The following ST6GALNAC3 variants were observed in gnomAD, a reference collection of about 807,000 sequenced individuals.
The protein encoded by ST6GALNAC3 is alpha-N-acetylgalactosaminide alpha-2,6-sialyltransferase 3.
Under a neutral mutation model 32.7 loss-of-function variants are expected in ST6GALNAC3, and 25 were observed. The ratio of observed to expected loss-of-function variants is 0.76; its 90% confidence interval spans 0.56 to 1.07. The LOEUF is 1.07. Among genes scored for constraint, ST6GALNAC3 ranks in the 50% least tolerant of loss-of-function variants. The pLI is 0.00. For synonymous variants in ST6GALNAC3, 129 were observed against 133.1 expected, an observed-to-expected ratio of 0.97 and a Z score of 0.21; for missense variants, 355 against 382.4, an observed-to-expected ratio of 0.93 and a Z score of 0.60.
chr1:76,204,460 ATCTG>A (rs1654708513), intron 1 of ST6GALNAC3, among the ~76,000 whole-genome samples: 2 of 152,188 alleles, frequency 1.3e-5, no homozygotes, highest in African/African-American at 2.4e-5. Flanking sequence ...GTCTCTGATG[ATCTG>A]TCTGTTTGCA....
chr1:76,556,460 C>T (rs1245210902), intron 3 of ST6GALNAC3, among the ~76,000 whole-genome samples: 1 of 152,038 alleles, frequency 6.6e-6, no homozygotes, highest in East Asian at 1.9e-4. Context: ...AACTACCAGA[C>T]TATTTTTTAG....
intron 3 of ST6GALNAC3, among the ~76,000 whole-genome samples, chr1:76,570,527 A>G (rs897629307): frequency 2.0e-5 from 3 of 152,180 alleles, no homozygotes; most frequent in Middle Eastern, 3.4e-3. Flanking sequence ...ATAGGAAACT[A>G]CTTAAAAGAA....
In ST6GALNAC3 at chr1:76,630,117, G is replaced by A. The variant is rs1489372724; in HGVS notation, c.*1311G>A. The A allele has an allele frequency of 2.0e-6, 2 of 985,056 alleles. No individual in the cohort carries two copies. The highest frequency in any genetic ancestry group is 2.4e-6 in the Non-Finnish European group (2 of 829,826). 61.0% of individuals were successfully genotyped at this position (985,056 alleles called of 1,614,324 possible). The stretch of plus-strand genomic sequence containing the variant: ...TTCTGCTCTCTTTAGCAGATGATCT[G>A]TAATTTGGTCATTGTTCTGTTATAT... On this transcript the variant is annotated 3_prime_UTR_variant, in exon 5 of 5. Transcript: ENST00000328299.
At chr1:76,313,734 G>T in intron 1 of ST6GALNAC3, 71 bp from the exon 2 acceptor site, 1 of 1,493,210 alleles carries the variant, frequency 6.7e-7, no homozygotes. Flanking sequence ...AAGAATAAAG[G>T]AACCTCCTTC....
intron 3 of ST6GALNAC3, among the ~76,000 whole-genome samples, chr1:76,605,812 C>T (rs888031102): frequency 8.0e-6 from 1 of 124,762 alleles, no homozygotes; most frequent in African/African-American, 3.1e-5. Flanking sequence ...TTGCAGTGAG[C>T]CGAGATTGTG....
At position 76,336,350 on chromosome 1, in the gene ST6GALNAC3, T is replaced by C. The variant is rs538844003; in HGVS notation, c.213+22351T>C. On this transcript the variant is annotated intron_variant, in intron 2 of 4. Coordinates refer to ENST00000328299, the MANE Select transcript of ST6GALNAC3 (RefSeq NM_152996.4). ...AATATTTCTGGTTTTCCCCTAATGA[T>C]TGTCATGGAATGCCCTTAAATTTAA... Among the ~76,000 whole-genome samples, 5 of 152,328 alleles carry C rather than the reference T, an allele frequency of 3.3e-5. No homozygotes were observed. In the South Asian group the frequency reaches 1.0e-3, roughly 32 times the overall value.
rs1047071556 is a variant in ST6GALNAC3 at position 76,343,721 on chromosome 1, A to G, written c.213+29722A>G. Among the ~76,000 whole-genome samples the G allele has an allele frequency of 7.2e-5, 11 of 152,252 alleles. No individual in the cohort carries two copies. In the South Asian group the frequency reaches 2.3e-3, roughly 31 times the overall value. Reference sequence around the variant, plus strand: ...CAGAGTACAAAGGTAAAGTGAAGACAAAACAAGTCCTTCTAGCTTCAAAAT... The same window carrying G: ...CAGAGTACAAAGGTAAAGTGAAGACGAAACAAGTCCTTCTAGCTTCAAAAT... On this transcript the variant is annotated intron_variant, in intron 2 of 4. Transcript: ENST00000328299.
intron 3 of ST6GALNAC3, among the ~76,000 whole-genome samples, chr1:76,489,954 G>T (rs568538905): frequency 6.5e-4 from 99 of 152,260 alleles, no homozygotes; most frequent in African/African-American, 2.3e-3. Flanking sequence ...GGTAGCTGGA[G>T]GGCACATACC....
intron 1 of ST6GALNAC3, among the ~76,000 whole-genome samples, chr1:76,137,673 T>C (rs1007676886): frequency 6.6e-6 from 1 of 151,308 alleles, no homozygotes; most frequent in African/African-American, 2.4e-5. Context: ...TCTCTGTAAG[T>C]TGCAGTCATG....
At chr1:76,263,372 T>C (rs778003160) in intron 1 of ST6GALNAC3, among the ~76,000 whole-genome samples, 2 of 149,702 alleles carry the variant, frequency 1.3e-5, no homozygotes, top group Non-Finnish European at 2.9e-5. Flanking sequence ...CTATAAATCA[T>C]AACTACCTTA....
intron 3 of ST6GALNAC3, among the ~76,000 whole-genome samples, chr1:76,591,290 C>T (rs1187933254): frequency 6.6e-6 from 1 of 152,024 alleles, no homozygotes; most frequent in African/African-American, 2.4e-5. Context: ...TCTGGAAATT[C>T]ACCACCCTGA....
intron 3 of ST6GALNAC3, among the ~76,000 whole-genome samples, chr1:76,566,017 G>A (rs1311504364): frequency 6.6e-6 from 1 of 152,046 alleles, no homozygotes; most frequent in Non-Finnish European, 1.5e-5. Flanking sequence ...GAACCGAGTC[G>A]GTAAACTACA....
At chr1:76,411,939 T>C (rs1654266884) in intron 2 of ST6GALNAC3, 69 bp from the exon 3 acceptor site, 2 of 1,519,298 alleles carry the variant, frequency 1.3e-6, no homozygotes, top group Admixed American at 4.1e-5. Context: ...GAACTTTTGT[T>C]TTCCCATAGG....
chr1:76,313,705 C>G lies in ST6GALNAC3; in HGVS notation c.19-100C>G, dbSNP rs571955062. On this transcript the variant is annotated intron_variant, in intron 1 of 4. Transcript: ENST00000328299. ...ATGCTGAATGACAGAATCCTTCGAC[C>G]CCTATGAAAGAAAAAGAGAAGAATA... 3 of 1,200,162 alleles carry G rather than the reference C, an allele frequency of 2.5e-6. No homozygotes were observed. In the Admixed American group the frequency reaches 5.2e-5, roughly 21 times the overall value. The allele number at this position is 1,200,162 out of a possible 1,614,324, so 74.3% of individuals were successfully genotyped here.
chr1:76,272,613 T>C (rs1446844215), intron 1 of ST6GALNAC3, among the ~76,000 whole-genome samples: 3 of 152,148 alleles, frequency 2.0e-5, no homozygotes, highest in African/African-American at 7.2e-5. Flanking sequence ...ATGCCACCCA[T>C]GTAGAATATT....
intron 1 of ST6GALNAC3, among the ~76,000 whole-genome samples, chr1:76,196,525 G>A (rs1313499564): frequency 6.6e-6 from 1 of 151,858 alleles, no homozygotes; most frequent in Non-Finnish European, 1.5e-5. Context: ...GAGTGCAATG[G>A]CGCGATCTCG....
intron 1 of ST6GALNAC3, among the ~76,000 whole-genome samples, chr1:76,179,034 T>C (rs1420662643): frequency 6.6e-6 from 1 of 152,162 alleles, no homozygotes; most frequent in Non-Finnish European, 1.5e-5. Context: ...AGTGGGCTCC[T>C]GAGTTAGCCT....
chr1:76,244,872 G>A (rs139686535), intron 1 of ST6GALNAC3, among the ~76,000 whole-genome samples: 341 of 152,220 alleles, frequency 2.2e-3, no homozygotes, highest in African/African-American at 8.1e-3. Context: ...TTTTCACATC[G>A]ATGTTATTCA....
At chr1:76,499,093 A>G (rs1661027723) in intron 3 of ST6GALNAC3, among the ~76,000 whole-genome samples, 2 of 152,210 alleles carry the variant, frequency 1.3e-5, no homozygotes, top group Admixed American at 6.6e-5. Context: ...TAGGCAAAGA[A>G]GGAAACATGC....
Sources: gnomAD v4.1 joint callset for allele counts (sites outside exome capture counted in the v4.1 genomes callset) on GRCh38, gnomAD v4.1.1 for gene constraint, MANE v1.5 for transcripts, NCBI Gene and HGNC (gene_info 2026-07-23, HGNC 2026-07-21) for gene names.